Variants in MXI1 observed in about 807,000 individuals in gnomAD.
The protein encoded by MXI1 is max-interacting protein 1.
In MXI1, 18 loss-of-function variants were observed where a neutral mutation model predicts 36.9. The observed-to-expected ratio is 0.49, with a 90% CI of 0.34 to 0.72. The LOEUF (loss-of-function observed/expected upper bound fraction) is 0.72. Among genes scored for constraint, MXI1 ranks in the 30% least tolerant of loss-of-function variants. MXI1 has a pLI of 0.01. For synonymous variants in MXI1, 160 were observed against 146.7 expected (o/e 1.09, Z -0.65); for missense variants, 304 against 379.1 (o/e 0.80, Z 1.64).
intron 2 of MXI1, among the ~76,000 whole-genome samples, chr10:110,242,217 A>T (rs1855694428): frequency 6.6e-6 from 1 of 152,042 alleles, no homozygotes; most frequent in African/African-American, 2.4e-5. Context: ...GCCATTTGGA[A>T]GTAAACTGTC....
At chr10:110,283,324 C>T (rs1456756347) in intron 5 of MXI1, among the ~76,000 whole-genome samples, 2 of 149,768 alleles carry the variant, frequency 1.3e-5, no homozygotes, top group Admixed American at 6.7e-5. Context: ...AGTGCAGTGG[C>T]GTGATCTTGG....
intron 2 of MXI1, among the ~76,000 whole-genome samples, chr10:110,241,794 C>G (rs1464928816): frequency 4.6e-5 from 7 of 151,918 alleles, no homozygotes; most frequent in Admixed American, 1.3e-4. Context: ...AATAAAAATA[C>G]TAACAGTAGC....
At chr10:110,241,110 C>CA (rs1855654446) in intron 2 of MXI1, among the ~76,000 whole-genome samples, 1 of 151,864 alleles carries the variant, frequency 6.6e-6, no homozygotes, top group Non-Finnish European at 1.5e-5. Flanking sequence ...TTAAGGTAGT[C>CA]ACATTTCATA....
At chr10:110,284,280 C>T (rs1051643656) in intron 5 of MXI1, among the ~76,000 whole-genome samples, 10 of 152,066 alleles carry the variant, frequency 6.6e-5, no homozygotes, top group Non-Finnish European at 1.3e-4. Flanking sequence ...ATACCTCAAA[C>T]TCTACTTTAT....
intron 5 of MXI1, among the ~76,000 whole-genome samples, chr10:110,282,179 T>C (rs74157244): frequency 0.065 from 9,846 of 152,242 alleles, 988 homozygotes; most frequent in African/African-American, 0.22. Flanking sequence ...TTTTACTATT[T>C]TTTGATTATA....
At chr10:110,273,079 G>A (rs185162308) in intron 3 of MXI1, among the ~76,000 whole-genome samples, 61 of 126,756 alleles carry the variant, frequency 4.8e-4, no homozygotes, top group African/African-American at 1.6e-3. Flanking sequence ...ATGGAGTCTC[G>A]CTCTGTCACC....
At chr10:110,213,285 C>G (rs1383044698) in intron 1 of MXI1, among the ~76,000 whole-genome samples, 1 of 152,210 alleles carries the variant, frequency 6.6e-6, no homozygotes, top group African/African-American at 2.4e-5. Context: ...AATGTTCAAG[C>G]TGGTCACGTT....
rs561833769 is a variant in MXI1, at chr10:110,219,734, T to C, written c.275-8455T>C. ...TCTGGAGGGCTGGAATATAAGCACATAGAGGACAGGGACCATAAGTAGTTT... is the reference window on the plus strand; with the variant it reads ...TCTGGAGGGCTGGAATATAAGCACACAGAGGACAGGGACCATAAGTAGTTT... On this transcript the variant is annotated intron_variant, in intron 1 of 5. Coordinates refer to ENST00000332674, the MANE Select transcript of MXI1 (RefSeq NM_130439.3). 2.0e-5 allele frequency among the ~76,000 whole-genome samples: 3 copies of C among 152,378 alleles called. No individual in the cohort carries two copies. The South Asian group carries it at 6.2e-4, about 32-fold the overall frequency.
intron 1 of MXI1, among the ~76,000 whole-genome samples, chr10:110,210,646 C>T (rs750320655): frequency 4.3e-4 from 65 of 152,320 alleles, no homozygotes; most frequent in Non-Finnish European, 9.0e-4. Flanking sequence ...CACCCCCTCT[C>T]CTCCCCTCCT....
In MXI1 at chr10:110,207,788, T is replaced by G; in HGVS notation, c.-21T>G. The G allele has an allele frequency of 2.7e-6, 3 of 1,128,918 alleles. No individual in the cohort carries two copies. The highest frequency in any genetic ancestry group is 3.3e-6 in the Non-Finnish European group (3 of 919,760). The allele number at this position is 1,128,918 out of a possible 1,614,324, so 69.9% of individuals were successfully genotyped here. On this transcript the variant is annotated 5_prime_UTR_variant, in exon 1 of 6. Transcript: ENST00000332674. ...CGCGCAGCCCCGTTAGAGGACGAGC[T>G]CGGCGGACCCCCGCTCCTCCATGGG...
rs1161186603 is a variant in MXI1, at chr10:110,226,054, G to C, written c.275-2135G>C. Reference sequence around the variant, plus strand: ...CGGGCGCGGCTGGCGCGGCTGGGGCGGCAGGGGCGGCGGAGAGCGCGCCGA... The same window carrying C: ...CGGGCGCGGCTGGCGCGGCTGGGGCCGCAGGGGCGGCGGAGAGCGCGCCGA... On this transcript the variant is annotated intron_variant, in intron 1 of 5. Transcript: ENST00000332674. 19 of 993,342 alleles carry C rather than the reference G, an allele frequency of 1.9e-5. 1 individual carries two copies. Among genetic ancestry groups the C allele is most frequent in the Middle Eastern group, 5.0e-4 (1 of 2,004 alleles). 61.5% of individuals were successfully genotyped at this position (993,342 alleles called of 1,614,324 possible).
At chr10:110,239,854 A>G (rs530147869) in intron 2 of MXI1, among the ~76,000 whole-genome samples, 7 of 152,316 alleles carry the variant, frequency 4.6e-5, no homozygotes, top group African/African-American at 1.7e-4. Context: ...TTACAAAAGC[A>G]AAGAAATATT....
chr10:110,224,370 G>A (rs1854900695), intron 1 of MXI1, among the ~76,000 whole-genome samples: 1 of 152,180 alleles, frequency 6.6e-6, no homozygotes, highest in South Asian at 2.1e-4. Context: ...GGGATTTTGT[G>A]CCCCAGGAGA....
In MXI1 at chr10:110,279,964, A is replaced by G; in HGVS notation, c.603A>G (p.Glu201=). 1 of 1,612,772 alleles carries G rather than the reference A, an allele frequency of 6.2e-7. No individual in the cohort carries two copies. Residue 201 remains glutamate (E), a synonymous_variant, in exon 5 of 6, where the codon GAA becomes GAG. Transcript: ENST00000332674. ...GCCAGCACCAGCTCGAGAATTTGGA[A>G]CGAGAACAGAGATTTTTAAAGTGGC... ...RKSQHQLENL[E]REQRFLKWRL...
intron 1 of MXI1, among the ~76,000 whole-genome samples, chr10:110,208,840 G>A (rs2134318018): frequency 6.6e-6 from 1 of 152,042 alleles, no homozygotes. Context: ...CCGTGGGGAC[G>A]CGGCTAGAAG....
chr10:110,254,952 A>T (rs1041276773), intron 3 of MXI1, among the ~76,000 whole-genome samples: 2 of 152,032 alleles, frequency 1.3e-5, no homozygotes, highest in Non-Finnish European at 1.5e-5. Flanking sequence ...AGCTAAAATA[A>T]TCAACGAAGG....
intron 2 of MXI1, among the ~76,000 whole-genome samples, chr10:110,238,030 A>T (rs1393096907): frequency 1.3e-5 from 2 of 152,130 alleles, no homozygotes; most frequent in Non-Finnish European, 2.9e-5. Context: ...TCTGGGAGGA[A>T]CCTGGACACA....
chr10:110,263,495 G>A (rs913868852), intron 3 of MXI1, among the ~76,000 whole-genome samples: 3 of 151,990 alleles, frequency 2.0e-5, no homozygotes, highest in African/African-American at 7.2e-5. Flanking sequence ...TTTTTTTTCT[G>A]TATTTGAATT....
intron 2 of MXI1, among the ~76,000 whole-genome samples, chr10:110,236,124 CTTTTT>C (rs60576710): frequency 4.5e-4 from 15 of 33,554 alleles, no homozygotes; most frequent in African/African-American, 1.2e-3. Context: ...GGTTGAAGTT[CTTTTT>C]TTTTTTTTTT....
Sources: allele counts gnomAD v4.1 joint callset (sites outside exome capture counted in the v4.1 genomes callset), GRCh38; gene constraint gnomAD v4.1.1; transcripts MANE v1.5; gene names NCBI Gene and HGNC (gene_info 2026-07-23, HGNC 2026-07-21).